The following SV2B variants were observed in gnomAD, a reference collection of about 807,000 sequenced individuals.
The protein encoded by SV2B is synaptic vesicle glycoprotein 2B.
A neutral mutation model predicts 73.9 loss-of-function variants in SV2B; 41 were observed. That is an observed-to-expected ratio of 0.56 (90% CI 0.43 to 0.72). SV2B has a LOEUF of 0.72. Ranked by LOEUF, SV2B falls within the 30% of genes least tolerant of loss-of-function variation. The pLI, the probability that SV2B is intolerant of heterozygous loss-of-function variation, is 0.00. For synonymous variants in SV2B, 314 were observed against 314.2 expected (o/e 1.00, Z 0.01); for missense variants, 764 against 857.8 (o/e 0.89, Z 1.37).
chr15:91,225,820 G>A (rs980395897), intron 1 of SV2B, 53 bp from the exon 2 acceptor site: 1 of 171,036 alleles, frequency 5.8e-6, no homozygotes, highest in South Asian at 1.6e-4. Context: ...AGAGTATTTT[G>A]TTAGAATTTC....
At chr15:91,188,690 A>G in intron 1 of SV2B, among the ~76,000 whole-genome samples, 1 of 152,076 alleles carries the variant, frequency 6.6e-6, no homozygotes, top group East Asian at 1.9e-4. Flanking sequence ...TTTTTGAAAA[A>G]GATTAATCTG....
At chr15:91,264,963 C>G (rs551470304) in intron 6 of SV2B, among the ~76,000 whole-genome samples, 52 of 152,114 alleles carry the variant, frequency 3.4e-4, no homozygotes, top group Admixed American at 1.4e-3. Flanking sequence ...TCTATACTGA[C>G]TTGATGATTA....
In SV2B at chr15:91,123,397, A is replaced by G. The variant is rs1040561422; in HGVS notation, c.-392+23034A>G. 4.6e-5 allele frequency among the ~76,000 whole-genome samples: 7 copies of G among 152,214 alleles called. No individual in the cohort carries two copies. The highest frequency in any genetic ancestry group is 8.8e-5 in the Non-Finnish European group (6 of 68,038). On this transcript the variant is annotated intron_variant, in intron 1 of 12. Coordinates refer to ENST00000394232, the MANE Select transcript of SV2B (RefSeq NM_001323032.3). The surrounding 1 kb of genome is among the most constrained non-coding windows in gnomAD (Gnocchi z 4.7). Reference sequence around the variant, plus strand: ...CCATTCCACGATGTATTCATATTTGAAAACAACATTTTATATATAACAAAT... The same window carrying G: ...CCATTCCACGATGTATTCATATTTGGAAACAACATTTTATATATAACAAAT...
intron 1 of SV2B, among the ~76,000 whole-genome samples, chr15:91,125,608 C>A (rs576338716): frequency 6.6e-6 from 1 of 151,514 alleles, no homozygotes; most frequent in South Asian, 2.1e-4. Flanking sequence ...CCTGTCACTA[C>A]CCAAAATACC....
Position 91,245,183 on chromosome 15 carries a change from ATCTGCCAGCTC to A in SV2B, c.452-6632_452-6622del, listed in dbSNP as rs2047175038. On this transcript the variant is annotated intron_variant, in intron 2 of 12. Coordinates refer to ENST00000394232, the MANE Select transcript of SV2B (RefSeq NM_001323032.3). The surrounding 1 kb of genome is among the most constrained non-coding windows in gnomAD (Gnocchi z 4.2). The stretch of plus-strand genomic sequence containing the variant: ...CTAAAGCTGAGAAGAGGTTTCTGAT[ATCTGCCAGCTC>A]TCTAGAAGGATATTTGGCATTGTGT... Among the ~76,000 whole-genome samples, 1 of 152,192 alleles carries A rather than the reference ATCTGCCAGCTC, an allele frequency of 6.6e-6. No individual in the cohort carries two copies. The highest frequency in any genetic ancestry group is 1.5e-5 in the Non-Finnish European group (1 of 68,032).
At position 91,240,395 on chromosome 15, in the gene SV2B, T is replaced by C. The variant is rs1158318177; in HGVS notation, c.452-11424T>C. On this transcript the variant is annotated intron_variant, in intron 2 of 12. Transcript: ENST00000394232. This position sits in a 1 kb window ranked among gnomAD's most constrained non-coding sequence, Gnocchi z 4.6. ...CAGTAAATATGAGCTGGTATTTGTATATTTTTAACTTTTCACTTTATTCAG... is the reference window on the plus strand; with the variant it reads ...CAGTAAATATGAGCTGGTATTTGTACATTTTTAACTTTTCACTTTATTCAG... Among the ~76,000 whole-genome samples, 3 of 152,204 alleles carry C rather than the reference T, an allele frequency of 2.0e-5. No homozygotes were observed. Among genetic ancestry groups the C allele is most frequent in the Non-Finnish European group, 2.9e-5 (2 of 68,032 alleles).
chr15:91,265,120 C>G lies in SV2B; in HGVS notation c.1009-1462C>G, dbSNP rs905911955. ...ACTCAGCCCAGCTTGAAGGTGTTACCTGTTTTACTCCTGTGCGTGTCCCAT... is the reference window on the plus strand; with the variant it reads ...ACTCAGCCCAGCTTGAAGGTGTTACGTGTTTTACTCCTGTGCGTGTCCCAT... On this transcript the variant is annotated intron_variant, in intron 6 of 12. Coordinates refer to ENST00000394232, the MANE Select transcript of SV2B (RefSeq NM_001323032.3). This position sits in a 1 kb window ranked among gnomAD's most constrained non-coding sequence, Gnocchi z 4.2. 2.0e-5 allele frequency among the ~76,000 whole-genome samples: 3 copies of G among 152,182 alleles called. No individual in the cohort carries two copies. The highest frequency in any genetic ancestry group is 4.4e-5 in the Non-Finnish European group (3 of 68,034).
Position 91,284,063 on chromosome 15 carries a change from C to A in SV2B, c.1550C>A (p.Ser517Tyr). The A allele has an allele frequency of 6.2e-7, 1 of 1,614,180 alleles. No homozygotes were observed. Among genetic ancestry groups the A allele is most frequent in the Non-Finnish European group, 8.5e-7 (1 of 1,180,042 alleles). ...TTCATCAACTGTCGGTTTATCAACT[C>A]CACCTTCCTGGAGCAGAAGGAGGGC... ...HKFINCRFIN[S>Y]TFLEQKEGCH... The change falls in exon 11 of 13, where the codon TCC becomes TAC. Residue 517 changes from serine to tyrosine, a missense_variant. Coordinates refer to ENST00000394232, the MANE Select transcript of SV2B (RefSeq NM_001323032.3). The surrounding 1 kb of genome is among the most constrained non-coding windows in gnomAD (Gnocchi z 4.5).
At chr15:91,170,830 TAA>T (rs2044097422) in intron 1 of SV2B, among the ~76,000 whole-genome samples, 1 of 151,658 alleles carries the variant, frequency 6.6e-6, no homozygotes, top group African/African-American at 2.4e-5. Context: ...TTAAAATCAA[TAA>T]GAGTTGATTT....
rs1243020678 is a variant in SV2B, at chr15:91,110,037, A to G, written c.-392+9674A>G. On this transcript the variant is annotated intron_variant, in intron 1 of 12. Transcript: ENST00000394232. This position sits in a 1 kb window ranked among gnomAD's most constrained non-coding sequence, Gnocchi z 5.4. ...ACTGCATCCACCTCGGAAATAGCTT[A>G]TTTGGGTGGATAAAAGAGCTGTCCG... is the stretch of plus-strand genomic sequence containing the variant. 6.6e-6 allele frequency among the ~76,000 whole-genome samples: 1 copy of G among 152,136 alleles called. No homozygotes were observed. Among genetic ancestry groups the G allele is most frequent in the African/African-American group, 2.4e-5 (1 of 41,440 alleles).
rs982592228 is a variant in SV2B at position 91,296,100 on chromosome 15, C to T, written c.*3548C>T. 12 of 152,192 alleles carry T rather than the reference C, an allele frequency of 7.9e-5. No homozygotes were observed. Among genetic ancestry groups the T allele is most frequent in the Non-Finnish European group, 1.5e-4 (10 of 68,004 alleles). The allele number at this position is 152,192 out of a possible 1,614,324, so 9.4% of individuals were successfully genotyped here. On this transcript the variant is annotated 3_prime_UTR_variant, in exon 13 of 13. Coordinates refer to ENST00000394232, the MANE Select transcript of SV2B (RefSeq NM_001323032.3). ...TAAACCAGGTAAGGGAAATGATGCC[C>T]TTGCCCATTTTCTACAGACCTAATC...
chr15:91,181,750 G>A (rs1183955041), intron 1 of SV2B, among the ~76,000 whole-genome samples: 4 of 151,194 alleles, frequency 2.6e-5, no homozygotes, highest in Admixed American at 2.0e-4. Context: ...TCTGAGTAAG[G>A]AGGTCGTCAC....
At position 91,214,637 on chromosome 15, in the gene SV2B, C is replaced by T. The variant is rs1465015465; in HGVS notation, c.-391-11236C>T. Among the ~76,000 whole-genome samples the T allele has an allele frequency of 6.6e-6, 1 of 152,198 alleles. No individual in the cohort carries two copies. The highest frequency in any genetic ancestry group is 2.4e-5 in the African/African-American group (1 of 41,452). ...GCAAGAATTCGCTTTACAACAGCCA[C>T]TGTATGGCAAGAAATATCATTAACA... is the stretch of plus-strand genomic sequence containing the variant. On this transcript the variant is annotated intron_variant, in intron 1 of 12. Coordinates refer to ENST00000394232, the MANE Select transcript of SV2B (RefSeq NM_001323032.3). This position sits in a 1 kb window ranked among gnomAD's most constrained non-coding sequence, Gnocchi z 4.7.
At chr15:91,206,757 T>G (rs1488877409) in intron 1 of SV2B, among the ~76,000 whole-genome samples, 1 of 152,198 alleles carries the variant, frequency 6.6e-6, no homozygotes, top group Non-Finnish European at 1.5e-5. Flanking sequence ...ACCTGTTATG[T>G]TTTCCCTTGA....
In SV2B at chr15:91,294,981, CT is replaced by C. The variant is rs1253437596; in HGVS notation, c.*2430del. 6.6e-6 allele frequency: 1 copy of C among 152,668 alleles called. No individual in the cohort carries two copies. The highest frequency in any genetic ancestry group is 1.5e-5 in the Non-Finnish European group (1 of 68,062). The allele number at this position is 152,668 out of a possible 1,614,324, so 9.5% of individuals were successfully genotyped here. ...GGCTACTTCTTAAATGCCGTCACTC[CT>C]GCTGAGATAAATGCGTCTTTAAAAA... On this transcript the variant is annotated 3_prime_UTR_variant, in exon 13 of 13. Transcript: ENST00000394232. This position sits in a 1 kb window ranked among gnomAD's most constrained non-coding sequence, Gnocchi z 4.1.
chr15:91,187,879 C>T (rs2044836608), intron 1 of SV2B, among the ~76,000 whole-genome samples: 1 of 152,036 alleles, frequency 6.6e-6, no homozygotes, highest in African/African-American at 2.4e-5. Flanking sequence ...AACTGAACCA[C>T]ATAATTGAAA....
chr15:91,215,408 C>A (rs1336531547), intron 1 of SV2B, among the ~76,000 whole-genome samples: 1 of 152,154 alleles, frequency 6.6e-6, no homozygotes, highest in Admixed American at 6.5e-5. Flanking sequence ...ATTTAGCTAA[C>A]ACCAGGTGAT....
rs112529197 is a variant in SV2B at position 91,292,534 on chromosome 15, A to G, written c.2034A>G (p.Arg678=). 1.9e-6 allele frequency: 3 copies of G among 1,613,946 alleles called. No homozygotes were observed. Among genetic ancestry groups the G allele is most frequent in the Non-Finnish European group, 2.5e-6 (3 of 1,179,990 alleles). ...TTGCCCTTCGACTGCCAGAGACTCG[A>G]GAACAGGTCCTGATGTGAACAACCT... is the stretch of plus-strand genomic sequence containing the variant. ...GLIALRLPET[R]EQVLM is the part of the protein sequence containing the mutation. The change falls in exon 13 of 13, where the codon CGA becomes CGG. Residue 678 remains arginine, a synonymous_variant. Transcript: ENST00000394232.
chr15:91,273,816 AG>A (rs1382663288), intron 9 of SV2B, among the ~76,000 whole-genome samples: 2 of 152,218 alleles, frequency 1.3e-5, no homozygotes, highest in Non-Finnish European at 1.5e-5. Context: ...CCCTCGCCGG[AG>A]GTCATGATCA....
Sources: gnomAD v4.1 joint callset for allele counts (sites outside exome capture counted in the v4.1 genomes callset) on GRCh38, gnomAD v4.1.1 for gene constraint, Gnocchi (gnomAD v3.1) non-coding constraint, MANE v1.5 for transcripts, NCBI Gene and HGNC (gene_info 2026-07-23, HGNC 2026-07-21) for gene names.